SPAG16: variants seen among roughly 807,000 people sequenced by gnomAD.
The protein encoded by SPAG16 is sperm associated antigen 16.
SPAG16 carries 86 observed loss-of-function variants against 80.4 expected under a neutral mutation model. The ratio of observed to expected loss-of-function variants is 1.07; its 90% CI spans 0.90 to 1.28. The LOEUF is 1.28. SPAG16 is among the 50% of genes most tolerant of loss of function. The probability of loss-of-function intolerance (pLI) is 0.00; values close to 1 mark genes in which losing one functional copy is unlikely to be tolerated. For missense variants in SPAG16, 870 were observed against 765.3 expected, an observed-to-expected ratio of 1.14 and a Z score of -1.61; for synonymous variants, 294 against 265.9, an observed-to-expected ratio of 1.11 and a Z score of -1.03.
intron 15 of SPAG16, among the ~76,000 whole-genome samples, chr2:214,311,154 T>C (rs1352558482): frequency 1.3e-5 from 2 of 152,114 alleles, no homozygotes; most frequent in African/African-American, 4.8e-5. Context: ...GTTACCTGCA[T>C]TTCCTCTGTT....
At chr2:213,953,973 A>C (rs2043988040) in intron 12 of SPAG16, among the ~76,000 whole-genome samples, 1 of 152,086 alleles carries the variant, frequency 6.6e-6, no homozygotes, top group Non-Finnish European at 1.5e-5. Context: ...CAATGGATAT[A>C]GATAGATATA....
intron 9 of SPAG16, among the ~76,000 whole-genome samples, chr2:213,388,315 C>G (rs1409685827): frequency 1.3e-5 from 2 of 152,190 alleles, no homozygotes; most frequent in African/African-American, 2.4e-5. Context: ...CCATTATTCA[C>G]CCTTGTCTCC....
chr2:213,339,141 T>C (rs6710533), intron 5 of SPAG16, among the ~76,000 whole-genome samples: 133,427 of 152,260 alleles, frequency 0.88, 60,490 homozygotes, highest in East Asian at 1. Context: ...ATATGCTTCA[T>C]TGAGAGCCTT....
intron 13 of SPAG16, among the ~76,000 whole-genome samples, chr2:214,015,004 T>C (rs1467933631): frequency 6.6e-6 from 1 of 152,154 alleles, no homozygotes; most frequent in African/African-American, 2.4e-5. Context: ...GGTATGTGAA[T>C]ATTTCATAAG....
intron 14 of SPAG16, among the ~76,000 whole-genome samples, chr2:214,141,210 C>T (rs1228985839): frequency 4.0e-5 from 6 of 151,840 alleles, no homozygotes; most frequent in East Asian, 1.9e-4. Flanking sequence ...GGCTCATGCC[C>T]GTAATCCCAG....
chr2:213,682,763 G>T (rs1266042500), intron 10 of SPAG16, among the ~76,000 whole-genome samples: 2 of 152,100 alleles, frequency 1.3e-5, no homozygotes, highest in African/African-American at 4.8e-5. Context: ...GTTTCTGGTC[G>T]GAGGTGTCAC....
intron 5 of SPAG16, among the ~76,000 whole-genome samples, chr2:213,339,788 CT>C (rs148057156): frequency 0.074 from 11,281 of 151,948 alleles, 1,373 homozygotes; most frequent in African/African-American, 0.25. Flanking sequence ...TCCATAAAGT[CT>C]TTATTTTTAA....
intron 13 of SPAG16, among the ~76,000 whole-genome samples, chr2:214,065,565 A>C (rs1277086334): frequency 1.3e-5 from 2 of 150,996 alleles, no homozygotes; most frequent in African/African-American, 2.4e-5. Flanking sequence ...ATTCAAATTC[A>C]CTTGACTGGA....
intron 1 of SPAG16, among the ~76,000 whole-genome samples, chr2:213,292,795 T>C (rs1186511362): frequency 6.6e-6 from 1 of 152,036 alleles, no homozygotes; most frequent in Non-Finnish European, 1.5e-5. Context: ...ATGAGAAATT[T>C]AAAAGATTTT....
chr2:213,479,462 TTGTGTGTG>T (rs375125648), intron 9 of SPAG16, among the ~76,000 whole-genome samples: 1 of 151,396 alleles, frequency 6.6e-6, no homozygotes, highest in Non-Finnish European at 1.5e-5. Context: ...ATCTTTTTGT[TTGTGTGTG>T]TGTGTGTGTT....
At chr2:213,510,412 A>G (rs1337215186) in intron 10 of SPAG16, among the ~76,000 whole-genome samples, 2 of 152,088 alleles carry the variant, frequency 1.3e-5, no homozygotes, top group Non-Finnish European at 2.9e-5. Context: ...TTATTTTTTT[A>G]CAGATGATAG....
intron 12 of SPAG16, among the ~76,000 whole-genome samples, chr2:213,964,879 A>G (rs979843897): frequency 3.3e-5 from 5 of 152,130 alleles, no homozygotes; most frequent in Non-Finnish European, 1.5e-5. Flanking sequence ...TAATAAGACA[A>G]TGCCATCATA....
chr2:213,913,605 AT>A (rs2077795845), intron 11 of SPAG16, among the ~76,000 whole-genome samples: 1 of 58,682 alleles, frequency 1.7e-5, no homozygotes, highest in Admixed American at 1.5e-4. Context: ...GTATATGTAC[AT>A]GTACATATAT....
At chr2:213,823,547 A>T (rs1477164658) in intron 10 of SPAG16, among the ~76,000 whole-genome samples, 1 of 151,932 alleles carries the variant, frequency 6.6e-6, no homozygotes, top group Non-Finnish European at 1.5e-5. Flanking sequence ...TTTAGTAGAG[A>T]TAGGGTTTCT....
At chr2:213,378,533 TC>T (rs34333499) in intron 9 of SPAG16, among the ~76,000 whole-genome samples, 148,423 of 152,320 alleles carry the variant, frequency 0.97, 72,423 homozygotes, top group East Asian at 1. Flanking sequence ...AGTCAGTAAA[TC>T]CTTATATCAC....
intron 10 of SPAG16, among the ~76,000 whole-genome samples, chr2:213,794,740 T>C (rs1003675948): frequency 7.1e-6 from 1 of 141,024 alleles, no homozygotes; most frequent in East Asian, 2.1e-4. Flanking sequence ...ACAATAACTC[T>C]TCGAAAAATA....
intron 13 of SPAG16, among the ~76,000 whole-genome samples, chr2:214,054,159 G>A (rs1366106156): frequency 1.3e-5 from 2 of 151,996 alleles, no homozygotes; most frequent in Admixed American, 1.3e-4. Context: ...ACAGGTGCCC[G>A]CCCCCATACC....
chr2:214,192,924 T>G (rs1433786070), intron 15 of SPAG16, among the ~76,000 whole-genome samples: 1 of 152,072 alleles, frequency 6.6e-6, no homozygotes, highest in African/African-American at 2.4e-5. Flanking sequence ...AGAGAGCTTT[T>G]AAGAGAAACC....
intron 10 of SPAG16, among the ~76,000 whole-genome samples, chr2:213,653,048 A>G (rs754235403): frequency 5.3e-5 from 8 of 151,380 alleles, no homozygotes; most frequent in African/African-American, 7.4e-5. Context: ...GGCATCTTCT[A>G]TCTAGTTGTT....
Sources: gnomAD v4.1 joint callset for allele counts (sites outside exome capture counted in the v4.1 genomes callset) on GRCh38, gnomAD v4.1.1 for gene constraint, MANE v1.5 for transcripts, NCBI Gene and HGNC (gene_info 2026-07-23, HGNC 2026-07-21) for gene names.